The following SGO2 variants were observed in gnomAD, a reference collection of about 807,000 sequenced individuals.
SGO2 encodes the protein shugoshin 2, also known as shugoshin-like 2.
A neutral mutation model predicts 99.5 loss-of-function variants in SGO2; 68 were observed. That is an observed-to-expected ratio of 0.68 (90% confidence interval 0.56 to 0.84). The LOEUF (loss-of-function observed/expected upper bound fraction) is 0.84, where lower values mean the gene tolerates loss of function less well. Among genes scored for constraint, SGO2 ranks in the 40% least tolerant of loss-of-function variants. The probability of loss-of-function intolerance (pLI) is 0.00; values close to 1 mark genes in which losing one functional copy is unlikely to be tolerated. For synonymous variants in SGO2, 457 were observed against 487.1 expected (o/e 0.94, Z 0.81); for missense variants, 1,350 against 1,436.7 (o/e 0.94, Z 0.97).
rs752990622 is a variant in SGO2 at position 200,535,088 on chromosome 2, A to G, written c.226A>G (p.Thr76Ala). Residue 76 changes from threonine to alanine, a missense_variant, in exon 3 of 9, where the codon ACA (threonine) becomes GCA (alanine). Transcript: ENST00000357799. ...AGAAAAAGAGAATTCTCGAAGAATTACAACTGAAAAGATGCTATTGCAAAA... is the reference window on the plus strand; with the variant it reads ...AGAAAAAGAGAATTCTCGAAGAATTGCAACTGAAAAGATGCTATTGCAAAA... ...SREKENSRRI[T>A]TEKMLLQKEV... 4 of 1,567,956 alleles carry G rather than the reference A, an allele frequency of 2.6e-6. No individual in the cohort carries two copies. Among genetic ancestry groups the G allele is most frequent in the Non-Finnish European group, 1.7e-6 (2 of 1,165,352 alleles).
intron 5 of SGO2, among the ~76,000 whole-genome samples, chr2:200,550,997 A>G (rs1477604669): frequency 6.6e-6 from 1 of 151,878 alleles, no homozygotes; most frequent in African/African-American, 2.4e-5. Flanking sequence ...GTAGCAAAAA[A>G]AAAAAAGAAA....
At chr2:200,542,516 G>C in intron 4 of SGO2, 63 bp from the exon 5 acceptor site, 2 of 1,278,074 alleles carry the variant, frequency 1.6e-6, no homozygotes, top group Non-Finnish European at 2.2e-6. Flanking sequence ...ATTTGGTACT[G>C]TGATAACTAA....
In SGO2 at chr2:200,551,718, T is replaced by C. The variant is rs149081469; in HGVS notation, c.473+9054T>C. On this transcript the variant is annotated intron_variant, in intron 5 of 8. Transcript: ENST00000357799. Reference sequence around the variant, plus strand: ...AATTTTTTTTTTCATGTAGGTATCTTACTGACCTTGTATCATTTATTGAAG... The same window carrying C: ...AATTTTTTTTTTCATGTAGGTATCTCACTGACCTTGTATCATTTATTGAAG... Among the ~76,000 whole-genome samples the C allele has an allele frequency of 9.9e-4, 150 of 152,236 alleles. 2 individuals are homozygous for C. In the East Asian group the frequency reaches 0.023, roughly 23 times the overall value.
chr2:200,533,762 G>A (rs546668151), intron 2 of SGO2, among the ~76,000 whole-genome samples: 7 of 152,122 alleles, frequency 4.6e-5, no homozygotes, highest in African/African-American at 1.7e-4. Flanking sequence ...CACATTATCT[G>A]CTGATATAGC....
intron 4 of SGO2, among the ~76,000 whole-genome samples, chr2:200,537,865 C>A (rs889507137): frequency 1.3e-5 from 2 of 152,110 alleles, no homozygotes; most frequent in African/African-American, 2.4e-5. Context: ...CAAACCAGTT[C>A]TTTTTGAGAT....
At chr2:200,532,265 G>GTTTTTTTT (rs199785070) in intron 1 of SGO2, 2 of 443,854 alleles carry the variant, frequency 4.5e-6, no homozygotes, top group African/African-American at 6.4e-5. Context: ...AGGTGACAGA[G>GTTTTTTTT]TTTTTTGTTT....
At chr2:200,554,851 C>G (rs1309033196) in intron 5 of SGO2, among the ~76,000 whole-genome samples, 1 of 152,202 alleles carries the variant, frequency 6.6e-6, no homozygotes, top group Non-Finnish European at 1.5e-5. Context: ...TGTATTCAAT[C>G]TTAATCAGTT....
chr2:200,572,777 A>T lies in SGO2; in HGVS notation c.2431A>T (p.Asn811Tyr). 1 of 1,613,032 alleles carries T rather than the reference A, an allele frequency of 6.2e-7. No homozygotes were observed. Among genetic ancestry groups the T allele is most frequent in the Non-Finnish European group, 8.5e-7 (1 of 1,179,418 alleles). Residue 811 changes from asparagine (N) to tyrosine (Y), a missense_variant, in exon 7 of 9, where the codon AAT (asparagine) becomes TAT (tyrosine). Asn to Tyr is a moderately radical substitution (Grantham distance 143, BLOSUM62 -2). Coordinates refer to ENST00000357799, the MANE Select transcript of SGO2 (RefSeq NM_152524.6). ...AAAAATAGGTAAGAAGCCTAGACTA[A>T]ATGTATGTCAAAAGTCAGAAATAAT... is the stretch of plus-strand genomic sequence containing the variant. ...DSKIGKKPRL[N>Y]VCQKSEIIPE...
chr2:200,535,962 AT>A, intron 3 of SGO2, 102 bp from the exon 4 acceptor site: 1 of 649,976 alleles, frequency 1.5e-6, no homozygotes. Context: ...GATATCAACT[AT>A]TTTTTAAGTT....
intron 4 of SGO2, among the ~76,000 whole-genome samples, chr2:200,540,157 T>C (rs1210246805): frequency 6.6e-6 from 1 of 152,244 alleles, no homozygotes; most frequent in East Asian, 1.9e-4. Context: ...TGATACTTGT[T>C]TTAAAATCTT....
chr2:200,542,898 T>G, intron 5 of SGO2: 1 of 299,690 alleles, frequency 3.3e-6, no homozygotes, highest in Non-Finnish European at 6.3e-6. Flanking sequence ...TTATAGTTCT[T>G]TTTTTTCTTT....
At chr2:200,538,623 T>C (rs2031813660) in intron 4 of SGO2, among the ~76,000 whole-genome samples, 1 of 152,192 alleles carries the variant, frequency 6.6e-6, no homozygotes, top group Non-Finnish European at 1.5e-5. Context: ...ACATATAAAA[T>C]ATTAGGTAGT....
intron 5 of SGO2, among the ~76,000 whole-genome samples, chr2:200,563,170 C>T (rs1288943237): frequency 6.6e-6 from 1 of 152,098 alleles, no homozygotes; most frequent in African/African-American, 2.4e-5. Flanking sequence ...AGTTTTTGCC[C>T]ATTCAAAACT....
At chr2:200,536,205 TTAAA>T in intron 4 of SGO2, 63 bp downstream of exon 4, 1 of 998,786 alleles carries the variant, frequency 1.0e-6, no homozygotes, top group East Asian at 2.5e-5. Context: ...CTGAGATTAC[TTAAA>T]TAACATCAAG....
chr2:200,528,090 A>G (rs898939100), intron 1 of SGO2, among the ~76,000 whole-genome samples: 1 of 152,242 alleles, frequency 6.6e-6, no homozygotes, highest in Admixed American at 6.5e-5. Context: ...AGAAAGATTA[A>G]TGAAAAGGAT....
intron 5 of SGO2, among the ~76,000 whole-genome samples, chr2:200,565,996 C>T (rs2033171660): frequency 6.6e-6 from 1 of 152,148 alleles, no homozygotes. Context: ...AGCTTCTTTG[C>T]GATGGGTTTG....
Position 200,548,361 on chromosome 2 carries a change from C to T in SGO2, c.473+5697C>T, listed in dbSNP as rs368271893. 2.6e-5 allele frequency among the ~76,000 whole-genome samples: 4 copies of T among 151,910 alleles called. No individual in the cohort carries two copies. The East Asian group carries it at 7.7e-4, about 29-fold the overall frequency. ...CAAATGGAAATTAAACAACATGCTC[C>T]TAAGCAACCAATGGGTCAAAGAAGC... is the stretch of plus-strand genomic sequence containing the variant. On this transcript the variant is annotated intron_variant, in intron 5 of 8. Coordinates refer to ENST00000357799, the MANE Select transcript of SGO2 (RefSeq NM_152524.6).
At position 200,573,426 on chromosome 2, in the gene SGO2, C is replaced by T. The variant is rs201778026; in HGVS notation, c.3080C>T (p.Thr1027Ile). The T allele has an allele frequency of 9.8e-5, 157 of 1,608,076 alleles. No homozygotes were observed. The African/African-American group carries it at 1.8e-3, about 19-fold the overall frequency. The change falls in exon 7 of 9, where the codon ACT becomes ATT. Residue 1027 changes from threonine (T) to isoleucine (I), a missense_variant. By Grantham distance (89) the Thr-to-Ile change is moderately conservative (BLOSUM62 -1). Transcript: ENST00000357799. Reference sequence around the variant, plus strand: ...TTAGAATCTGATTTAAAACATATTACTAGTGAAGCAGATTCTGATCCAGGA... The same window carrying T: ...TTAGAATCTGATTTAAAACATATTATTAGTGAAGCAGATTCTGATCCAGGA... Reference protein sequence around the residue: ...ISLESDLKHITSEADSDPGNP... With the variant: ...ISLESDLKHIISEADSDPGNP...
chr2:200,547,702 C>T (rs377513644), intron 5 of SGO2, among the ~76,000 whole-genome samples: 92 of 152,148 alleles, frequency 6.0e-4, no homozygotes, highest in African/African-American at 2.1e-3. Context: ...AGTTAAAAGC[C>T]ATAGAGTAGC....
Sources: gnomAD v4.1 joint callset for allele counts (sites outside exome capture counted in the v4.1 genomes callset) on GRCh38, gnomAD v4.1.1 for gene constraint, MANE v1.5 for transcripts, NCBI Gene and HGNC (gene_info 2026-07-23, HGNC 2026-07-21) for gene names.